The following CSMD1 variants were observed in gnomAD, a reference collection of about 807,000 sequenced individuals.
CSMD1 encodes CUB and sushi domain-containing protein 1.
CSMD1 carries 213 observed loss-of-function variants against 417.5 expected under a neutral mutation model. The observed-to-expected ratio is 0.51, with a 90% CI of 0.46 to 0.57. The LOEUF is 0.57. CSMD1 is among the 20% of genes least tolerant of loss of function. The probability of loss-of-function intolerance (pLI) is 0.00; values close to 1 mark genes in which losing one functional copy is unlikely to be tolerated. For synonymous variants in CSMD1, 2,862 were observed against 1,736.8 expected (o/e 1.65, Z -16.11); for missense variants, 6,923 against 4,529.7 (o/e 1.53, Z -15.17).
intron 2 of CSMD1, among the ~76,000 whole-genome samples, chr8:4,467,122 T>TAA (rs35481238): frequency 0.22 from 18,615 of 85,870 alleles, 1,485 homozygotes; most frequent in South Asian, 0.31. Flanking sequence ...TTCTTCAGAG[T>TAA]AAAAAAAAAA....
intron 3 of CSMD1, among the ~76,000 whole-genome samples, chr8:4,150,802 C>T (rs1796529240): frequency 6.6e-6 from 1 of 152,044 alleles, no homozygotes. Flanking sequence ...TGCGCACTTG[C>T]AGAGGTGTTG....
At chr8:2,987,415 AAT>A (rs896913469) in intron 54 of CSMD1, among the ~76,000 whole-genome samples, 163 of 148,452 alleles carry the variant, frequency 1.1e-3, no homozygotes, top group African/African-American at 3.9e-3. Context: ...CTTTCTATAT[AAT>A]ATATACATAA....
chr8:3,608,959 C>G (rs766872378), intron 8 of CSMD1, among the ~76,000 whole-genome samples: 34 of 152,108 alleles, frequency 2.2e-4, no homozygotes, highest in Non-Finnish European at 4.4e-4. Flanking sequence ...CAAATTTCAA[C>G]CATACCTTGA....
intron 6 of CSMD1, among the ~76,000 whole-genome samples, chr8:3,750,235 G>C (rs555527884): frequency 3.9e-5 from 6 of 151,934 alleles, no homozygotes; most frequent in African/African-American, 1.4e-4. Flanking sequence ...TGATAAACGT[G>C]ACTACAATAA....
At chr8:4,222,693 C>G (rs551414275) in intron 3 of CSMD1, among the ~76,000 whole-genome samples, 2 of 152,098 alleles carry the variant, frequency 1.3e-5, no homozygotes, top group Non-Finnish European at 2.9e-5. Context: ...TTCAGTTATG[C>G]CTCTATCTGG....
chr8:4,323,066 G>C (rs577358290), intron 3 of CSMD1, among the ~76,000 whole-genome samples: 4 of 151,216 alleles, frequency 2.6e-5, no homozygotes, highest in South Asian at 4.3e-4. Context: ...CCTACAAATA[G>C]AGAGTTAAGC....
chr8:4,252,872 G>A (rs925222407), intron 3 of CSMD1, among the ~76,000 whole-genome samples: 1 of 152,192 alleles, frequency 6.6e-6, no homozygotes, highest in African/African-American at 2.4e-5. Context: ...TGAGTGAAAG[G>A]CAAAGAGAAT....
At chr8:4,138,961 T>C (rs945007827) in intron 3 of CSMD1, among the ~76,000 whole-genome samples, 1 of 152,272 alleles carries the variant, frequency 6.6e-6, no homozygotes, top group East Asian at 1.9e-4. Context: ...TGTCGAACAC[T>C]CGCCATGCAT....
chr8:4,585,608 A>G (rs1371250677), intron 2 of CSMD1, among the ~76,000 whole-genome samples: 1 of 152,184 alleles, frequency 6.6e-6, no homozygotes, highest in East Asian at 1.9e-4. Flanking sequence ...ACAAAGAGAA[A>G]AATTTTAATC....
chr8:3,062,802 C>A (rs1186529972), intron 49 of CSMD1, among the ~76,000 whole-genome samples: 1 of 152,146 alleles, frequency 6.6e-6, no homozygotes, highest in Non-Finnish European at 1.5e-5. Context: ...AATAAAGCCT[C>A]TAGAATGTTT....
intron 7 of CSMD1, among the ~76,000 whole-genome samples, chr8:3,699,611 C>G (rs1204449562): frequency 6.6e-6 from 1 of 152,108 alleles, no homozygotes; most frequent in Non-Finnish European, 1.5e-5. Flanking sequence ...CATTTTTACT[C>G]AATCATCAGT....
At position 3,773,211 on chromosome 8, in the gene CSMD1, C is replaced by A. The variant is rs1423612700; in HGVS notation, c.819-19169G>T. The stretch of plus-strand genomic sequence containing the variant: ...TGACATTTAGACGATGGCATGTACT[C>A]ACATAATCTGTCACCAAAGTGTGAA... On this transcript the variant is annotated intron_variant, in intron 5 of 69. Transcript: ENST00000635120. 3.9e-5 allele frequency among the ~76,000 whole-genome samples: 6 copies of A among 152,300 alleles called. No individual in the cohort carries two copies. The East Asian group carries it at 1.2e-3, about 29-fold the overall frequency.
At chr8:4,676,287 T>C (rs951762761) in intron 1 of CSMD1, among the ~76,000 whole-genome samples, 2 of 152,138 alleles carry the variant, frequency 1.3e-5, no homozygotes, top group Non-Finnish European at 2.9e-5. Context: ...TTAAGATAAA[T>C]TAGCCATGTT....
intron 3 of CSMD1, among the ~76,000 whole-genome samples, chr8:4,050,136 C>T (rs1028526211): frequency 2.6e-5 from 4 of 152,104 alleles, no homozygotes; most frequent in Non-Finnish European, 4.4e-5. Flanking sequence ...GAACACTTCT[C>T]GTCGCAGCAT....
intron 2 of CSMD1, among the ~76,000 whole-genome samples, chr8:4,578,181 G>C (rs899219106): frequency 2.0e-5 from 3 of 151,948 alleles, no homozygotes; most frequent in Admixed American, 6.6e-5. Context: ...TCTTTTTTGA[G>C]AGGAAGTCTC....
intron 7 of CSMD1, among the ~76,000 whole-genome samples, chr8:3,684,931 C>T (rs904896187): frequency 2.6e-5 from 4 of 152,034 alleles, no homozygotes; most frequent in Non-Finnish European, 5.9e-5. Context: ...AGCACTTGGC[C>T]AAAGTGGACA....
chr8:3,494,301 A>G (rs1214145656), intron 10 of CSMD1, among the ~76,000 whole-genome samples: 4 of 152,142 alleles, frequency 2.6e-5, no homozygotes, highest in Non-Finnish European at 5.9e-5. Context: ...CTGTACAACA[A>G]TGGTTTATGT....
intron 9 of CSMD1, among the ~76,000 whole-genome samples, chr8:3,577,006 G>A (rs987557601): frequency 6.6e-6 from 1 of 152,174 alleles, no homozygotes; most frequent in Non-Finnish European, 1.5e-5. Flanking sequence ...TTGTCGGCCT[G>A]CATTTCAAGC....
At chr8:2,949,679 C>G (rs59743965) in intron 67 of CSMD1, among the ~76,000 whole-genome samples, 29,585 of 151,636 alleles carry the variant, frequency 0.2, 3,444 homozygotes, top group African/African-American at 0.33. Flanking sequence ...TCTAAGGGAA[C>G]ACAAACGTAT....
Sources: allele counts gnomAD v4.1 joint callset (sites outside exome capture counted in the v4.1 genomes callset), GRCh38; gene constraint gnomAD v4.1.1; transcripts MANE v1.5; gene names NCBI Gene and HGNC (gene_info 2026-07-23, HGNC 2026-07-21).